Variants in FBXL17 observed in about 807,000 individuals in gnomAD.
FBXL17 encodes F-box and leucine rich repeat protein 17, also known as F-box/LRR-repeat protein 17.
In FBXL17, 22 loss-of-function variants were observed where a neutral mutation model predicts 66.2. That is an observed-to-expected ratio of 0.33 (90% CI 0.24 to 0.47). FBXL17 has a LOEUF of 0.47. FBXL17 is among the 20% of genes least tolerant of loss of function. FBXL17 has a pLI of 1.00. For missense variants in FBXL17, 878 were observed against 948.2 expected (o/e 0.93, Z 0.97); for synonymous variants, 474 against 400.5 (o/e 1.18, Z -2.19).
intron 4 of FBXL17, among the ~76,000 whole-genome samples, chr5:108,330,736 GTGCACACACATCATCACACA>G (rs1561533370): frequency 1.3e-5 from 2 of 151,576 alleles, no homozygotes; most frequent in African/African-American, 2.4e-5. Context: ...ATCATCACAC[GTGCACACACATCATCACACA>G]TGCACACACA....
chr5:108,261,515 C>T (rs1376614306), intron 4 of FBXL17, among the ~76,000 whole-genome samples: 1 of 151,710 alleles, frequency 6.6e-6, no homozygotes, highest in Non-Finnish European at 1.5e-5. Context: ...TTGAAGAAAA[C>T]AATTTTGACT....
At chr5:108,020,372 A>T (rs530384638) in intron 7 of FBXL17, among the ~76,000 whole-genome samples, 1 of 151,960 alleles carries the variant, frequency 6.6e-6, no homozygotes, top group Admixed American at 6.6e-5. Flanking sequence ...GTAGAAAACA[A>T]CTTGCTTTTC....
At chr5:108,248,456 C>T (rs754941047) in intron 4 of FBXL17, among the ~76,000 whole-genome samples, 2 of 152,016 alleles carry the variant, frequency 1.3e-5, no homozygotes, top group Admixed American at 1.3e-4. Context: ...TAGACACCTA[C>T]GTGACTATGA....
At chr5:108,149,913 G>C (rs924777728) in intron 6 of FBXL17, among the ~76,000 whole-genome samples, 1 of 151,966 alleles carries the variant, frequency 6.6e-6, no homozygotes, top group Non-Finnish European at 1.5e-5. Context: ...CTGTTTCTAG[G>C]CCCCTTAACT....
intron 4 of FBXL17, 111 bp from the exon 5 acceptor site, chr5:108,224,339 C>A: frequency 2.0e-6 from 1 of 497,368 alleles, no homozygotes; most frequent in Non-Finnish European, 3.7e-6. Context: ...ATTTCCTGCC[C>A]TGTTAGATCA....
chr5:108,023,018 G>A (rs1001382554), intron 6 of FBXL17, among the ~76,000 whole-genome samples: 3 of 152,022 alleles, frequency 2.0e-5, no homozygotes, highest in African/African-American at 7.2e-5. Context: ...GTGGCCAAGA[G>A]ACAACACATG....
At chr5:108,331,781 A>G (rs1346238716) in intron 4 of FBXL17, among the ~76,000 whole-genome samples, 4 of 152,320 alleles carry the variant, frequency 2.6e-5, no homozygotes, top group Non-Finnish European at 5.9e-5. Flanking sequence ...TCTAACCCGT[A>G]TATCAAGTCA....
chr5:108,346,375 A>G (rs1213027273), intron 4 of FBXL17, among the ~76,000 whole-genome samples: 4 of 152,130 alleles, frequency 2.6e-5, no homozygotes, highest in Non-Finnish European at 4.4e-5. Context: ...TTACGTATAT[A>G]ACATATTTTT....
At position 108,027,593 on chromosome 5, in the gene FBXL17, T is replaced by C. The variant is rs75688518; in HGVS notation, c.1746-6592A>G. The stretch of plus-strand genomic sequence containing the variant: ...TAAAAGATATAATCAAAAGCCACAT[T>C]ATTATAAAATGATGAACATAATACT... On this transcript the variant is annotated intron_variant, in intron 6 of 8. Transcript: ENST00000542267. Among the ~76,000 whole-genome samples the C allele has an allele frequency of 1.0e-2, 1,517 of 152,254 alleles. 23 individuals carry two copies. The highest frequency in any genetic ancestry group is 0.034 in the African/African-American group (1,400 of 41,554).
intron 4 of FBXL17, among the ~76,000 whole-genome samples, chr5:108,335,141 T>G (rs1760317011): frequency 6.6e-6 from 1 of 151,986 alleles, no homozygotes; most frequent in African/African-American, 2.4e-5. Flanking sequence ...GATCAAATAT[T>G]TTGGTATCAT....
chr5:108,094,512 A>G (rs1749299267), intron 6 of FBXL17, among the ~76,000 whole-genome samples: 1 of 152,108 alleles, frequency 6.6e-6, no homozygotes, highest in African/African-American at 2.4e-5. Flanking sequence ...TCTCTCCAAT[A>G]TATTTAAAGA....
chr5:108,297,965 A>G, intron 4 of FBXL17: 2 of 977,388 alleles, frequency 2.0e-6, no homozygotes, highest in Non-Finnish European at 2.4e-6. Context: ...ATTTATAAAA[A>G]TGGCATATGA....
At chr5:108,104,758 AATGTATTTGGAT>A (rs2149944664) in intron 6 of FBXL17, among the ~76,000 whole-genome samples, 1 of 152,330 alleles carries the variant, frequency 6.6e-6, no homozygotes, top group Non-Finnish European at 1.5e-5. Context: ...TTTTGTCAAA[AATGTATTTGGAT>A]ATGTATTTTA....
intron 4 of FBXL17, among the ~76,000 whole-genome samples, chr5:108,253,972 T>G (rs1756469015): frequency 6.6e-6 from 1 of 151,844 alleles, no homozygotes; most frequent in South Asian, 2.1e-4. Flanking sequence ...AGACCCTGTC[T>G]CAAAAAAAGA....
At chr5:107,872,260 G>C (rs1004418137) in intron 8 of FBXL17, among the ~76,000 whole-genome samples, 9 of 152,218 alleles carry the variant, frequency 5.9e-5, no homozygotes, top group African/African-American at 1.7e-4. Context: ...CAGATGCTGA[G>C]CTCATCTGAA....
intron 4 of FBXL17, among the ~76,000 whole-genome samples, chr5:108,230,492 T>C (rs1376401069): frequency 6.6e-6 from 1 of 152,166 alleles, no homozygotes; most frequent in Non-Finnish European, 1.5e-5. Context: ...ACATCATATG[T>C]TCTCACTCAT....
chr5:108,117,007 A>G (rs1249636864), intron 6 of FBXL17, among the ~76,000 whole-genome samples: 1 of 152,216 alleles, frequency 6.6e-6, no homozygotes, highest in Non-Finnish European at 1.5e-5. Context: ...AGTGTATGAA[A>G]TGTTTAAGAG....
At chr5:107,865,812 T>C (rs1484118473) in intron 8 of FBXL17, among the ~76,000 whole-genome samples, 1 of 152,204 alleles carries the variant, frequency 6.6e-6, no homozygotes. Flanking sequence ...GGCAATAGTG[T>C]GACAAATATT....
intron 4 of FBXL17, among the ~76,000 whole-genome samples, chr5:108,259,644 C>T (rs573265143): frequency 9.2e-5 from 14 of 151,942 alleles, no homozygotes; most frequent in Non-Finnish European, 1.6e-4. Flanking sequence ...CTAAAGAAGT[C>T]CAAGACATTT....
Sources: gnomAD v4.1 joint callset for allele counts (sites outside exome capture counted in the v4.1 genomes callset) on GRCh38, gnomAD v4.1.1 for gene constraint, MANE v1.5 for transcripts, NCBI Gene and HGNC (gene_info 2026-07-23, HGNC 2026-07-21) for gene names.